The following PSMA8 variants were observed in gnomAD, a reference collection of about 807,000 sequenced individuals.
PSMA8 encodes proteasome 20S subunit alpha 8, also known as proteasome subunit alpha-type 8.
A neutral mutation model predicts 32.4 loss-of-function variants in PSMA8; 18 were observed. The ratio of observed to expected loss-of-function variants is 0.56; its 90% CI spans 0.38 to 0.82. The LOEUF is 0.82. Among genes scored for constraint, PSMA8 ranks in the 40% least tolerant of loss-of-function variants. The pLI is 0.00. For missense variants in PSMA8, 298 were observed against 300.7 expected (o/e 0.99, Z 0.07); for synonymous variants, 104 against 98.1 (o/e 1.06, Z -0.36).
At chr18:26,138,247 C>G (rs2054928120) in intron 1 of PSMA8, among the ~76,000 whole-genome samples, 1 of 152,180 alleles carries the variant, frequency 6.6e-6, no homozygotes, top group Non-Finnish European at 1.5e-5. Flanking sequence ...TAGAATCATT[C>G]ATAATTTCTA....
chr18:26,136,961 G>A (rs2054916088), intron 1 of PSMA8, among the ~76,000 whole-genome samples: 2 of 152,132 alleles, frequency 1.3e-5, no homozygotes, highest in South Asian at 4.1e-4. Context: ...GTACCCAGCT[G>A]GAGAGTGATG....
chr18:26,144,808 T>C, intron 2 of PSMA8, 123 bp downstream of exon 2: 1 of 842,990 alleles, frequency 1.2e-6, no homozygotes, highest in Non-Finnish European at 1.7e-6. Context: ...AAACAATATA[T>C]CCTACGTTTT....
intron 1 of PSMA8, among the ~76,000 whole-genome samples, chr18:26,136,505 A>T (rs2054912520): frequency 6.6e-6 from 1 of 152,162 alleles, no homozygotes; most frequent in African/African-American, 2.4e-5. Flanking sequence ...CAGAAAGGGG[A>T]GAGAGGAAAG....
chr18:26,182,486 A>G (rs145357766), intron 6 of PSMA8, among the ~76,000 whole-genome samples: 21 of 152,314 alleles, frequency 1.4e-4, no homozygotes, highest in African/African-American at 3.1e-4. Flanking sequence ...TTTTAAGCCC[A>G]CTACTGAGAC....
At chr18:26,152,632 T>C (rs1024364761) in intron 3 of PSMA8, among the ~76,000 whole-genome samples, 2 of 152,146 alleles carry the variant, frequency 1.3e-5, no homozygotes, top group Non-Finnish European at 2.9e-5. Context: ...GCCTGCATTA[T>C]TCTTTTACCT....
At chr18:26,181,728 G>A (rs1328520124) in intron 6 of PSMA8, among the ~76,000 whole-genome samples, 4 of 152,120 alleles carry the variant, frequency 2.6e-5, no homozygotes, top group South Asian at 2.1e-4. Context: ...GTGGTGGCAC[G>A]CACCTGGCCA....
chr18:26,159,814 C>T (rs561069410), intron 4 of PSMA8, among the ~76,000 whole-genome samples: 2 of 151,918 alleles, frequency 1.3e-5, no homozygotes, highest in African/African-American at 4.8e-5. Flanking sequence ...ACGGCGCACT[C>T]GCTTGCATAC....
intron 1 of PSMA8, among the ~76,000 whole-genome samples, chr18:26,134,434 G>T (rs186778635): frequency 6.6e-6 from 1 of 151,718 alleles, no homozygotes; most frequent in Non-Finnish European, 1.5e-5. Context: ...CTTCTAATCT[G>T]TAACAGCCTA....
Position 26,158,289 on chromosome 18 carries a change from A to G in PSMA8, c.477+45A>G, listed in dbSNP as rs377615079. ...ATACTTTTTTAGAAGTTTAGTAAAT[A>G]TTCAATGTAAATGCTTTATTGCTTT... On this transcript the variant is annotated intron_variant, in intron 4 of 6. Coordinates refer to ENST00000415576, the MANE Select transcript of PSMA8 (RefSeq NM_001025096.2). The G allele has an allele frequency of 1.6e-5, 24 of 1,455,696 alleles. No individual in the cohort carries two copies. The African/African-American group carries it at 2.4e-4, about 15-fold the overall frequency. 90.2% of individuals were successfully genotyped at this position (1,455,696 alleles called of 1,614,324 possible).
chr18:26,138,193 C>T (rs1427321350), intron 1 of PSMA8, among the ~76,000 whole-genome samples: 1 of 152,194 alleles, frequency 6.6e-6, no homozygotes, highest in Non-Finnish European at 1.5e-5. Flanking sequence ...ATTCTATTAA[C>T]AGACTACATT....
At chr18:26,165,570 T>C (rs1338848592) in intron 4 of PSMA8, among the ~76,000 whole-genome samples, 4 of 151,072 alleles carry the variant, frequency 2.6e-5, no homozygotes, top group Admixed American at 6.6e-5. Context: ...CAAGGGAATT[T>C]TCCCCCCCCA....
chr18:26,150,872 G>A (rs9958782), intron 2 of PSMA8, among the ~76,000 whole-genome samples: 18,598 of 152,026 alleles, frequency 0.12, 1,929 homozygotes, highest in African/African-American at 0.27. Flanking sequence ...TTCATCCATA[G>A]GAAAGACTAT....
chr18:26,186,218 T>G (rs2055352006), intron 6 of PSMA8, among the ~76,000 whole-genome samples: 1 of 122,696 alleles, frequency 8.2e-6, no homozygotes, highest in African/African-American at 3.2e-5. Context: ...CACTGCACTC[T>G]AGCCTGGGCA....
At chr18:26,158,884 G>C (rs143920232) in intron 4 of PSMA8, among the ~76,000 whole-genome samples, 14 of 152,076 alleles carry the variant, frequency 9.2e-5, no homozygotes, top group Non-Finnish European at 1.8e-4. Context: ...GAGACAGGGG[G>C]ATTGCTTGAG....
chr18:26,167,552 T>C (rs909538058), intron 4 of PSMA8, among the ~76,000 whole-genome samples: 1 of 152,086 alleles, frequency 6.6e-6, no homozygotes, highest in Non-Finnish European at 1.5e-5. Flanking sequence ...ATAGGGCCTG[T>C]AGGGAGATAA....
In PSMA8 at chr18:26,171,217, G is replaced by T. The variant is rs1455805212; in HGVS notation, c.478-7613G>T. The T allele has an allele frequency of 3.2e-6, 5 of 1,558,980 alleles. 1 individual carries two copies. In the African/African-American group the frequency reaches 9.3e-5, roughly 29 times the overall value. Reference sequence around the variant, plus strand: ...AATTCATTCCTGAGCGGTGGCCAGGGCAGGTCCCCGTTCTTGCCGATGCCC... The same window carrying T: ...AATTCATTCCTGAGCGGTGGCCAGGTCAGGTCCCCGTTCTTGCCGATGCCC... On this transcript the variant is annotated intron_variant, in intron 4 of 6. Transcript: ENST00000415576.
At chr18:26,185,950 A>G (rs1158350871) in intron 6 of PSMA8, among the ~76,000 whole-genome samples, 1 of 150,426 alleles carries the variant, frequency 6.6e-6, no homozygotes, top group Non-Finnish European at 1.5e-5. Flanking sequence ...GTGATCAAAA[A>G]TGGAGCTCTG....
chr18:26,172,883 CTT>C, intron 4 of PSMA8, among the ~76,000 whole-genome samples: 1 of 152,280 alleles, frequency 6.6e-6, no homozygotes, highest in African/African-American at 2.4e-5. Context: ...GAATCTACCA[CTT>C]TTGTAATAGG....
At chr18:26,180,385 C>T (rs189839186) in intron 6 of PSMA8, among the ~76,000 whole-genome samples, 35 of 152,206 alleles carry the variant, frequency 2.3e-4, no homozygotes, top group Admixed American at 3.9e-4. Context: ...TTTTTGTCAT[C>T]ATGGTTGCTT....
Sources: allele counts gnomAD v4.1 joint callset (sites outside exome capture counted in the v4.1 genomes callset), GRCh38; gene constraint gnomAD v4.1.1; transcripts MANE v1.5; gene names NCBI Gene and HGNC (gene_info 2026-07-23, HGNC 2026-07-21).